The following NEURL1B variants were observed in gnomAD, a reference collection of about 807,000 sequenced individuals.
NEURL1B encodes the protein E3 ubiquitin-protein ligase NEURL1B.
In NEURL1B, 13 loss-of-function variants were observed where a neutral mutation model predicts 37.4. That is an observed-to-expected ratio of 0.35 (90% confidence interval 0.23 to 0.55). The LOEUF (loss-of-function observed/expected upper bound fraction) is 0.55. NEURL1B is among the 20% of genes least tolerant of loss of function. The pLI is 0.89. For synonymous variants in NEURL1B, 432 were observed against 426.6 expected, an observed-to-expected ratio of 1.01 and a Z score of -0.16; for missense variants, 790 against 879.2, an observed-to-expected ratio of 0.90 and a Z score of 1.28.
Position 172,683,348 on chromosome 5 carries a change from G to A in NEURL1B, c.578-71G>A, listed in dbSNP as rs1758401096. 1.6e-6 allele frequency: 2 copies of A among 1,261,752 alleles called. No homozygotes were observed. The highest frequency in any genetic ancestry group is 3.2e-5 in the East Asian group (1 of 31,228). 78.2% of individuals were successfully genotyped at this position (1,261,752 alleles called of 1,614,324 possible). ...CGTGGAGGCCTGCAGGAGGCAGCGG[G>A]CGAGGAGGGGCTCGCGACCAGCCTG... On this transcript the variant is annotated intron_variant, in intron 2 of 4. Transcript: ENST00000369800. This position sits in a 1 kb window ranked among gnomAD's most constrained non-coding sequence, Gnocchi z 5.6.
Position 172,686,756 on chromosome 5 carries a change from A to G in NEURL1B, c.1499A>G (p.Asn500Ser), listed in dbSNP as rs747950795. The G allele has an allele frequency of 1.9e-6, 3 of 1,551,640 alleles. No homozygotes were observed. Among genetic ancestry groups the G allele is most frequent in the Non-Finnish European group, 2.6e-6 (3 of 1,147,068 alleles). ...CCACCGGAGCCGGCAGGCATCAAGAATGGCGAGTGCACGGTGTGCTTCGAT... is the reference window on the plus strand; with the variant it reads ...CCACCGGAGCCGGCAGGCATCAAGAGTGGCGAGTGCACGGTGTGCTTCGAT... ...FSPPEPAGIK[N>S]GECTVCFDGE... Residue 500 changes from asparagine (N) to serine (S), a missense_variant, in exon 5 of 5, where the codon AAT becomes AGT. By Grantham distance (46) the Asn-to-Ser change is conservative. Around this residue, in one of 3 missense-constraint regions of NEURL1B, gnomAD observed 115 missense variants for 162.6 expected, o/e 0.71. Coordinates refer to ENST00000369800, the MANE Select transcript of NEURL1B (RefSeq NM_001142651.3). The surrounding 1 kb of genome is among the most constrained non-coding windows in gnomAD (Gnocchi z 7.9).
rs1267841254 is a variant in NEURL1B, at chr5:172,686,662, C to T, written c.1424-19C>T. The T allele has an allele frequency of 4.5e-6, 7 of 1,546,334 alleles. 1 individual carries two copies. In the African/African-American group the frequency reaches 8.2e-5, roughly 18 times the overall value. On this transcript the variant is annotated intron_variant, in intron 4 of 4. Coordinates refer to ENST00000369800, the MANE Select transcript of NEURL1B (RefSeq NM_001142651.3). The surrounding 1 kb of genome is among the most constrained non-coding windows in gnomAD (Gnocchi z 7.9). ...GAGAGAGACATTGTTAACATATGTC[C>T]TCTTCTCCCTTTCGGCAGTGACGGC...
rs996032018 is a variant in NEURL1B, at chr5:172,688,636, T to C, written c.*1711T>C. 1 of 152,236 alleles carries C rather than the reference T, an allele frequency of 6.6e-6. No individual in the cohort carries two copies. The highest frequency in any genetic ancestry group is 2.4e-5 in the African/African-American group (1 of 41,458). 9.4% of individuals were successfully genotyped at this position (152,236 alleles called of 1,614,324 possible). On this transcript the variant is annotated 3_prime_UTR_variant, in exon 5 of 5. Transcript: ENST00000369800. This position sits in a 1 kb window ranked among gnomAD's most constrained non-coding sequence, Gnocchi z 4.3. ...ACAGTTGTCTGACCTGATTCCAACT[T>C]AAGGTCCCCACTCTCTTGCCCCATC...
At chr5:172,682,797 G>C (rs551419518) in intron 2 of NEURL1B, among the ~76,000 whole-genome samples, 19 of 152,200 alleles carry the variant, frequency 1.2e-4, no homozygotes, top group Non-Finnish European at 2.2e-4. Flanking sequence ...TTCAACTCAT[G>C]GGTTCAAGTC....
intron 1 of NEURL1B, among the ~76,000 whole-genome samples, chr5:172,649,258 A>G (rs2113260928): frequency 6.6e-6 from 1 of 150,816 alleles, no homozygotes; most frequent in East Asian, 2.0e-4. Flanking sequence ...CAGATGAATT[A>G]TCCACGAAGA....
chr5:172,650,611 G>A (rs1757643324), intron 1 of NEURL1B, among the ~76,000 whole-genome samples: 1 of 152,208 alleles, frequency 6.6e-6, no homozygotes, highest in South Asian at 2.1e-4. Context: ...CCTGAGCTGT[G>A]TTATACACAA....
rs1758546669 is a variant in NEURL1B at position 172,687,929 on chromosome 5, AG to A, written c.*1007del. 1 of 152,340 alleles carries A rather than the reference AG, an allele frequency of 6.6e-6. No homozygotes were observed. 9.4% of individuals were successfully genotyped at this position (152,340 alleles called of 1,614,324 possible). A position where few individuals can be genotyped will look rare whatever the true frequency, so the allele number is the denominator to read the frequency against. ...GGACCTGCTGGCAGGAGGAGGAACGAGGGCTTTATAACTTTGGTTATAACTT... is the reference window on the plus strand; with the variant it reads ...GGACCTGCTGGCAGGAGGAGGAACGAGGCTTTATAACTTTGGTTATAACTT... On this transcript the variant is annotated 3_prime_UTR_variant, in exon 5 of 5. Transcript: ENST00000369800.
chr5:172,655,727 GTTT>G (rs74431507), intron 1 of NEURL1B, among the ~76,000 whole-genome samples: 2 of 137,558 alleles, frequency 1.5e-5, no homozygotes, highest in Non-Finnish European at 3.2e-5. Context: ...GCCAGTGTTT[GTTT>G]TTTTTTTTTT....
At chr5:172,668,715 C>T (rs931955493) in intron 1 of NEURL1B, among the ~76,000 whole-genome samples, 25 of 152,136 alleles carry the variant, frequency 1.6e-4, no homozygotes, top group African/African-American at 6.0e-4. Flanking sequence ...AGCTGCTGTG[C>T]GAAGAGCAGC....
chr5:172,671,549 G>A (rs1374042523), intron 2 of NEURL1B, among the ~76,000 whole-genome samples: 3 of 152,186 alleles, frequency 2.0e-5, no homozygotes, highest in Non-Finnish European at 2.9e-5. Flanking sequence ...GAGTGGAATC[G>A]CACAGTATTT....
intron 1 of NEURL1B, among the ~76,000 whole-genome samples, chr5:172,646,888 G>T (rs1317666214): frequency 3.3e-5 from 5 of 151,632 alleles, no homozygotes; most frequent in Non-Finnish European, 7.4e-5. Flanking sequence ...GTGGAGTTCT[G>T]AGGACCCCAG....
intron 2 of NEURL1B, among the ~76,000 whole-genome samples, chr5:172,680,399 G>A (rs900733165): frequency 1.3e-4 from 19 of 151,112 alleles, no homozygotes; most frequent in African/African-American, 4.1e-4. Context: ...GCCGCTGGGG[G>A]ACAAGAGGAG....
Position 172,683,204 on chromosome 5 carries a change from A to T in NEURL1B, c.578-215A>T, listed in dbSNP as rs995719024. Among the ~76,000 whole-genome samples, 1 of 152,206 alleles carries T rather than the reference A, an allele frequency of 6.6e-6. No homozygotes were observed. The highest frequency in any genetic ancestry group is 2.4e-5 in the African/African-American group (1 of 41,446). ...TCCCAAAGGTAAGAGCATGTCAAGG[A>T]AACCGAGGATGGTGCTTAATGCAAT... On this transcript the variant is annotated intron_variant, in intron 2 of 4. Coordinates refer to ENST00000369800, the MANE Select transcript of NEURL1B (RefSeq NM_001142651.3). This position sits in a 1 kb window ranked among gnomAD's most constrained non-coding sequence, Gnocchi z 5.6.
In NEURL1B at chr5:172,670,084, G is replaced by A. The variant is rs1443870891; in HGVS notation, c.331G>A (p.Ala111Thr). Reference sequence around the variant, plus strand: ...CGCGCACGATCCGTCGCTCATGAGCGCCCAGGACATCCCCAAGTACGCCTG... The same window carrying A: ...CGCGCACGATCCGTCGCTCATGAGCACCCAGGACATCCCCAAGTACGCCTG... ...FTAHDPSLMS[A>T]QDIPKYACPD... Residue 111 changes from alanine to threonine, a missense_variant, in exon 2 of 5, where the codon GCC (alanine) becomes ACC (threonine). This residue lies in a region of NEURL1B where 215 missense variants were observed against 309.2 expected (regional missense o/e 0.70). Coordinates refer to ENST00000369800, the MANE Select transcript of NEURL1B (RefSeq NM_001142651.3). The A allele has an allele frequency of 1.3e-6, 2 of 1,525,174 alleles. No homozygotes were observed. The highest frequency in any genetic ancestry group is 2.8e-5 in the African/African-American group (2 of 70,950). 94.5% of individuals were successfully genotyped at this position (1,525,174 alleles called of 1,614,324 possible).
Position 172,686,676 on chromosome 5 carries a change from G to T in NEURL1B, c.1424-5G>T, listed in dbSNP as rs1181824374. 1 of 1,548,106 alleles carries T rather than the reference G, an allele frequency of 6.5e-7. No individual in the cohort carries two copies. The highest frequency in any genetic ancestry group is 2.0e-5 in the Admixed American group (1 of 50,938). ...TAACATATGTCCTCTTCTCCCTTTC[G>T]GCAGTGACGGCCCCCAGCTCCCCGC... On this transcript the variant is annotated splice_region_variant and splice_polypyrimidine_tract_variant and intron_variant, in intron 4 of 4. Coordinates refer to ENST00000369800, the MANE Select transcript of NEURL1B (RefSeq NM_001142651.3). The surrounding 1 kb of genome is among the most constrained non-coding windows in gnomAD (Gnocchi z 7.9).
At position 172,683,286 on chromosome 5, in the gene NEURL1B, C is replaced by T. The variant is rs1581439518; in HGVS notation, c.578-133C>T. 3 of 1,039,118 alleles carry T rather than the reference C, an allele frequency of 2.9e-6. No individual in the cohort carries two copies. The highest frequency in any genetic ancestry group is 6.7e-5 in the East Asian group (2 of 29,756). 64.4% of individuals were successfully genotyped at this position (1,039,118 alleles called of 1,614,324 possible). On this transcript the variant is annotated intron_variant, in intron 2 of 4. Transcript: ENST00000369800. The surrounding 1 kb of genome is among the most constrained non-coding windows in gnomAD (Gnocchi z 5.6). ...GATGGACAAAAGGAGAGTTCGAAGC[C>T]GGGGTGGGGTGGGGGCTGCTCGAGG...
intron 2 of NEURL1B, among the ~76,000 whole-genome samples, chr5:172,671,198 C>T (rs1017015174): frequency 3.3e-5 from 5 of 152,170 alleles, no homozygotes; most frequent in African/African-American, 1.2e-4. Context: ...CCCTGTTCTC[C>T]CCTCGCTCCA....
At chr5:172,660,370 G>T (rs893436963) in intron 1 of NEURL1B, among the ~76,000 whole-genome samples, 3 of 152,202 alleles carry the variant, frequency 2.0e-5, no homozygotes, top group African/African-American at 7.2e-5. Flanking sequence ...TGCCACTTAG[G>T]CCTGGATGGA....
At chr5:172,655,155 G>C (rs983332872) in intron 1 of NEURL1B, among the ~76,000 whole-genome samples, 1 of 152,078 alleles carries the variant, frequency 6.6e-6, no homozygotes, top group African/African-American at 2.4e-5. Flanking sequence ...AAAGTGGGGG[G>C]GTTGTGTGAG....
Sources: allele counts gnomAD v4.1 joint callset (sites outside exome capture counted in the v4.1 genomes callset), GRCh38; gene constraint gnomAD v4.1.1; regional missense constraint gnomAD v4.1.1; non-coding constraint Gnocchi (gnomAD v3.1); transcripts MANE v1.5; gene names NCBI Gene and HGNC (gene_info 2026-07-23, HGNC 2026-07-21).